Variants in GRID2 observed in about 807,000 individuals in gnomAD.
GRID2 encodes the protein glutamate receptor ionotropic, delta-2.
Under a neutral mutation model 114.8 loss-of-function variants are expected in GRID2, and 33 were observed. The observed-to-expected ratio is 0.29, with a 90% CI of 0.22 to 0.38. The LOEUF is 0.38. GRID2 is among the 10% of genes least tolerant of loss of function. The pLI, the probability that GRID2 is intolerant of heterozygous loss-of-function variation, is 1.00. For synonymous variants in GRID2, 505 were observed against 449.9 expected, an observed-to-expected ratio of 1.12 and a Z score of -1.55; for missense variants, 1,184 against 1,257.7, an observed-to-expected ratio of 0.94 and a Z score of 0.89.
intron 14 of GRID2, among the ~76,000 whole-genome samples, chr4:93,690,963 A>C (rs1726511260): frequency 6.7e-6 from 1 of 148,834 alleles, no homozygotes; most frequent in African/African-American, 2.4e-5. Flanking sequence ...AATATATATA[A>C]ATAAGTCTTT....
intron 1 of GRID2, among the ~76,000 whole-genome samples, chr4:92,309,576 A>G (rs1488226568): frequency 6.6e-6 from 1 of 151,904 alleles, no homozygotes; most frequent in Non-Finnish European, 1.5e-5. Context: ...AATCTCAGAA[A>G]AAAATGTCAT....
chr4:92,828,289 C>T (rs1157538001), intron 2 of GRID2, among the ~76,000 whole-genome samples: 1 of 152,008 alleles, frequency 6.6e-6, no homozygotes, highest in East Asian at 1.9e-4. Context: ...TTCATAATGA[C>T]TTTATTGTAG....
In GRID2 at chr4:93,126,691, A is replaced by G. The variant is rs112037607; in HGVS notation, c.735+15738A>G. 4.4e-3 allele frequency among the ~76,000 whole-genome samples: 544 copies of G among 123,372 alleles called. 7 individuals are homozygous for G. Among genetic ancestry groups the G allele is most frequent in the African/African-American group, 0.016 (515 of 32,080 alleles). 80.9% of individuals were successfully genotyped at this position (123,372 alleles called of 152,430 possible). ...CGGCTCACTGCAAGCTCCGCCTCCC[A>G]GGTTCACGCCATTCTCCTGCCTCAG... On this transcript the variant is annotated intron_variant, in intron 4 of 15. Coordinates refer to ENST00000282020, the MANE Select transcript of GRID2 (RefSeq NM_001510.4).
intron 14 of GRID2, among the ~76,000 whole-genome samples, chr4:93,717,925 A>G (rs1729041433): frequency 6.6e-6 from 1 of 152,136 alleles, no homozygotes; most frequent in Non-Finnish European, 1.5e-5. Flanking sequence ...TATGCAAGTG[A>G]GTGTAATACA....
intron 1 of GRID2, among the ~76,000 whole-genome samples, chr4:92,409,399 T>A (rs1731188633): frequency 1.3e-5 from 2 of 152,164 alleles, no homozygotes; most frequent in Non-Finnish European, 2.9e-5. Flanking sequence ...GAAGATGAAC[T>A]CTAGAGAATG....
intron 2 of GRID2, among the ~76,000 whole-genome samples, chr4:92,624,871 G>T (rs1342837892): frequency 2.6e-5 from 4 of 151,616 alleles, no homozygotes; most frequent in Non-Finnish European, 5.9e-5. Flanking sequence ...AATCTGAAAG[G>T]TTAAAAAAGA....
chr4:93,043,227 A>G (rs111659876), intron 2 of GRID2, among the ~76,000 whole-genome samples: 2 of 152,198 alleles, frequency 1.3e-5, no homozygotes, highest in Non-Finnish European at 2.9e-5. Flanking sequence ...TCATTCAGAA[A>G]TCAAACTGCA....
chr4:93,522,319 G>T (rs2149499900), intron 13 of GRID2, among the ~76,000 whole-genome samples: 1 of 152,252 alleles, frequency 6.6e-6, no homozygotes, highest in Non-Finnish European at 1.5e-5. Context: ...CTGTCCTGGA[G>T]AATCAAAGAG....
At chr4:92,956,699 G>T (rs1002763580) in intron 2 of GRID2, among the ~76,000 whole-genome samples, 2 of 152,040 alleles carry the variant, frequency 1.3e-5, no homozygotes, top group Admixed American at 6.6e-5. Flanking sequence ...TGGATCCTAC[G>T]GTACGAGTAT....
At chr4:93,344,766 C>T (rs1760033704) in intron 8 of GRID2, among the ~76,000 whole-genome samples, 1 of 151,492 alleles carries the variant, frequency 6.6e-6, no homozygotes, top group Non-Finnish European at 1.5e-5. Context: ...CCAGTATCTC[C>T]CCATTTCCAC....
intron 2 of GRID2, among the ~76,000 whole-genome samples, chr4:92,624,123 T>C (rs1328099225): frequency 6.6e-6 from 1 of 151,874 alleles, no homozygotes; most frequent in Non-Finnish European, 1.5e-5. Flanking sequence ...ATAAATTATG[T>C]TCCATGTCTT....
chr4:92,414,501 A>G (rs1213125941), intron 1 of GRID2, among the ~76,000 whole-genome samples: 2 of 152,192 alleles, frequency 1.3e-5, no homozygotes, highest in Non-Finnish European at 2.9e-5. Flanking sequence ...TGATAGTCAA[A>G]GGGATGGAAC....
intron 13 of GRID2, among the ~76,000 whole-genome samples, chr4:93,598,858 A>C (rs1322382213): frequency 6.6e-6 from 1 of 152,216 alleles, no homozygotes; most frequent in Non-Finnish European, 1.5e-5. Context: ...TTGAAGCAAG[A>C]ATTGTATAAA....
intron 3 of GRID2, among the ~76,000 whole-genome samples, chr4:93,100,198 C>T (rs1731577957): frequency 6.6e-6 from 1 of 151,836 alleles, no homozygotes; most frequent in Admixed American, 6.6e-5. Context: ...AAATATTGAT[C>T]AGCATCAATG....
rs574279711 is a variant in GRID2 at position 92,913,750 on chromosome 4, C to T, written c.245-171245C>T. On this transcript the variant is annotated intron_variant, in intron 2 of 15. Transcript: ENST00000282020. ...AGAGAGAAAATTGTCTGTATGTTAA[C>T]AAAAAAGAAGTATAAAACGAAGAAA... Among the ~76,000 whole-genome samples the T allele has an allele frequency of 6.0e-5, 9 of 151,014 alleles. No homozygotes were observed. In the East Asian group the frequency reaches 1.8e-3, roughly 30 times the overall value.
chr4:93,324,407 TGTG>T (rs1470931217), intron 8 of GRID2, among the ~76,000 whole-genome samples: 2 of 150,220 alleles, frequency 1.3e-5, no homozygotes, highest in Non-Finnish European at 3.0e-5. Flanking sequence ...CCAACTTCAT[TGTG>T]GTGGATATGC....
intron 1 of GRID2, among the ~76,000 whole-genome samples, chr4:92,457,805 A>C (rs1448161364): frequency 9.2e-5 from 14 of 152,146 alleles, no homozygotes. Flanking sequence ...TTCAGAATGT[A>C]ATTGTGATGA....
At chr4:92,727,145 G>C (rs1047853702) in intron 2 of GRID2, among the ~76,000 whole-genome samples, 1 of 151,934 alleles carries the variant, frequency 6.6e-6, no homozygotes. Flanking sequence ...TGTATATACA[G>C]ACATTCAGTC....
intron 2 of GRID2, among the ~76,000 whole-genome samples, chr4:92,772,320 T>C (rs1578171509): frequency 6.6e-6 from 1 of 152,282 alleles, no homozygotes; most frequent in South Asian, 2.1e-4. Context: ...CTTTTATTCA[T>C]ATGTAATGTT....
Sources: gnomAD v4.1 joint callset for allele counts (sites outside exome capture counted in the v4.1 genomes callset) on GRCh38, gnomAD v4.1.1 for gene constraint, MANE v1.5 for transcripts, NCBI Gene and HGNC (gene_info 2026-07-23, HGNC 2026-07-21) for gene names.